The following KCNC2 variants were observed in gnomAD, a reference collection of about 807,000 sequenced individuals.
KCNC2 encodes voltage-gated potassium channel KCNC2.
Under a neutral mutation model 44.5 loss-of-function variants are expected in KCNC2, and 21 were observed. The observed-to-expected ratio is 0.47, with a 90% CI of 0.33 to 0.68. KCNC2 has a LOEUF of 0.68. KCNC2 is among the 30% of genes least tolerant of loss of function. The pLI, the probability that KCNC2 is intolerant of heterozygous loss-of-function variation, is 0.01. For synonymous variants in KCNC2, 391 were observed against 339.1 expected (o/e 1.15, Z -1.68); for missense variants, 589 against 826.2 (o/e 0.71, Z 3.52).
chr12:75,123,436 G>A (rs780783535), intron 2 of KCNC2, among the ~76,000 whole-genome samples: 11 of 152,148 alleles, frequency 7.2e-5, no homozygotes, highest in Non-Finnish European at 1.3e-4. Context: ...GTATCCACCC[G>A]TCATCCTAAG....
At chr12:75,127,360 A>G (rs1019520401) in intron 2 of KCNC2, among the ~76,000 whole-genome samples, 1 of 152,186 alleles carries the variant, frequency 6.6e-6, no homozygotes, top group Non-Finnish European at 1.5e-5. Context: ...AAAATTGCCT[A>G]TGGCTTTATG....
intron 2 of KCNC2, among the ~76,000 whole-genome samples, chr12:75,116,523 C>T (rs898069346): frequency 6.6e-6 from 1 of 152,078 alleles, no homozygotes; most frequent in African/African-American, 2.4e-5. Flanking sequence ...TCTGAGAAAA[C>T]TGGCTGAATA....
intron 2 of KCNC2, among the ~76,000 whole-genome samples, chr12:75,167,619 C>T (rs1457286744): frequency 2.0e-5 from 3 of 151,324 alleles, no homozygotes; most frequent in Admixed American, 6.6e-5. Context: ...ATAACCAGAG[C>T]TGACTTGGCA....
chr12:75,180,080 T>C (rs1484933527), intron 2 of KCNC2, among the ~76,000 whole-genome samples: 1 of 151,938 alleles, frequency 6.6e-6, no homozygotes, highest in Non-Finnish European at 1.5e-5. Context: ...AAGGAATATA[T>C]TGTCAACATA....
rs1370946779 is a variant in KCNC2 at position 75,048,219 on chromosome 12, C to G, written c.1714G>C (p.Gly572Arg). The change falls in exon 4 of 5, where the codon GGG (glycine) becomes CGG (arginine). Residue 572 changes from glycine to arginine, a missense_variant. Physicochemically the swap from Gly to Arg is moderately radical, Grantham distance 125. This residue lies in a region of KCNC2 where 171 missense variants were observed against 182.4 expected (regional missense o/e 0.94). Coordinates refer to ENST00000549446, the MANE Select transcript of KCNC2 (RefSeq NM_139137.4). ...RSSTRDKNRRGETCFLLTTGD... is the reference protein window; with the variant it reads ...RSSTRDKNRRRETCFLLTTGD... ...GTCGTCAGTAGGAAACATGTTTCCC[C>G]TCTTCTGTTTTTGTCTCTGGTACTA... 3 of 1,612,878 alleles carry G rather than the reference C, an allele frequency of 1.9e-6. No homozygotes were observed. The African/African-American group carries it at 4.0e-5, about 22-fold the overall frequency.
At chr12:75,095,416 C>T (rs80078207) in intron 2 of KCNC2, among the ~76,000 whole-genome samples, 5,709 of 151,780 alleles carry the variant, frequency 0.038, 145 homozygotes, top group East Asian at 0.15. Context: ...CATTTTTCCC[C>T]GGCCCTGCAA....
chr12:75,208,740 A>G (rs1418679515), intron 1 of KCNC2, among the ~76,000 whole-genome samples: 1 of 148,770 alleles, frequency 6.7e-6, no homozygotes, highest in Non-Finnish European at 1.5e-5. Flanking sequence ...GAAGTCAGAG[A>G]AAAAAAAAAT....
intron 2 of KCNC2, among the ~76,000 whole-genome samples, chr12:75,170,778 G>A (rs1195877418): frequency 6.6e-6 from 1 of 151,672 alleles, no homozygotes; most frequent in Non-Finnish European, 1.5e-5. Context: ...ACTTCTCCAC[G>A]TTTCAGGGCA....
intron 2 of KCNC2, among the ~76,000 whole-genome samples, chr12:75,168,457 T>C (rs989415489): frequency 4.0e-5 from 6 of 151,460 alleles, no homozygotes; most frequent in Non-Finnish European, 7.4e-5. Flanking sequence ...GATTCAAAGT[T>C]AGTGTCTAGA....
intron 2 of KCNC2, among the ~76,000 whole-genome samples, chr12:75,194,432 A>G (rs2137734894): frequency 6.6e-6 from 1 of 152,298 alleles, no homozygotes; most frequent in Admixed American, 6.5e-5. Flanking sequence ...TAGAACCAGT[A>G]GAAGAAACCA....
intron 2 of KCNC2, among the ~76,000 whole-genome samples, chr12:75,150,255 T>C (rs1339163949): frequency 6.6e-6 from 1 of 151,846 alleles, no homozygotes; most frequent in Non-Finnish European, 1.5e-5. Context: ...GATCTCTGCT[T>C]AACAGTTTAC....
At chr12:75,198,452 T>G (rs1427181905) in intron 2 of KCNC2, among the ~76,000 whole-genome samples, 1 of 151,922 alleles carries the variant, frequency 6.6e-6, no homozygotes, top group Non-Finnish European at 1.5e-5. Context: ...TCTACTTGGT[T>G]GCATTAAGAG....
intron 2 of KCNC2, among the ~76,000 whole-genome samples, chr12:75,187,779 C>G (rs12426067): frequency 0.068 from 10,401 of 152,126 alleles, 482 homozygotes; most frequent in Admixed American, 0.13. Context: ...TTATGAGAAC[C>G]CAAATTGCCA....
intron 2 of KCNC2, among the ~76,000 whole-genome samples, chr12:75,189,608 AATTAAACCTGTGCTAGGCACCAGAATTC>A: frequency 6.6e-6 from 1 of 152,324 alleles, no homozygotes; most frequent in East Asian, 1.9e-4. Context: ...AGGCATCAGT[AATTAAACCTGTGCTAGGCACCAGAATTC>A]ATTAAACCTG....
chr12:75,176,986 A>G (rs1379954), intron 2 of KCNC2, among the ~76,000 whole-genome samples: 49,155 of 149,654 alleles, frequency 0.33, 8,478 homozygotes, highest in African/African-American at 0.44. Flanking sequence ...ATAAAGAAGA[A>G]GACTGTGTCA....
chr12:75,086,681 A>ATATATATATAT (rs1555208212), intron 2 of KCNC2, among the ~76,000 whole-genome samples: 13 of 54,196 alleles, frequency 2.4e-4, no homozygotes, highest in East Asian at 1.6e-3. Context: ...AAAAAAAAAA[A>ATATATATATAT]ATATATATAT....
rs148768884 is a variant in KCNC2, at chr12:75,185,875, G to C, written c.687+21422C>G. 8.9e-4 allele frequency among the ~76,000 whole-genome samples: 135 copies of C among 151,786 alleles called. 4 individuals are homozygous for C. In the East Asian group the frequency reaches 0.024, roughly 27 times the overall value. Reference sequence around the variant, plus strand: ...AGCCTGGTCAACATGGTGAAACTCTGTCTGTACTAAAAATACAAAAATTAG... The same window carrying C: ...AGCCTGGTCAACATGGTGAAACTCTCTCTGTACTAAAAATACAAAAATTAG... On this transcript the variant is annotated intron_variant, in intron 2 of 4. Coordinates refer to ENST00000549446, the MANE Select transcript of KCNC2 (RefSeq NM_139137.4).
At position 75,043,007 on chromosome 12, in the gene KCNC2, G is replaced by A; in HGVS notation, c.*98C>T. ...ATGCAAGATTTATACTGTATTAATG[G>A]AGCCTGGAGTAACTCTACATTTAAT... On this transcript the variant is annotated 3_prime_UTR_variant, in exon 5 of 5. Transcript: ENST00000549446. The A allele has an allele frequency of 3.9e-6, 6 of 1,541,068 alleles. No individual in the cohort carries two copies. The highest frequency in any genetic ancestry group is 5.2e-6 in the Non-Finnish European group (6 of 1,146,002).
intron 2 of KCNC2, among the ~76,000 whole-genome samples, chr12:75,170,735 A>T (rs1891758929): frequency 6.7e-6 from 1 of 149,834 alleles, no homozygotes; most frequent in African/African-American, 2.4e-5. Flanking sequence ...CAGCCAAGAG[A>T]TGTTAACTTT....
Sources: gnomAD v4.1 joint callset for allele counts (sites outside exome capture counted in the v4.1 genomes callset) on GRCh38, gnomAD v4.1.1 for gene constraint, gnomAD v4.1.1 regional missense constraint, MANE v1.5 for transcripts, NCBI Gene and HGNC (gene_info 2026-07-23, HGNC 2026-07-21) for gene names.